The following HAUS7 variants were observed in gnomAD, a reference collection of about 807,000 sequenced individuals.
The protein encoded by HAUS7 is HAUS augmin like complex subunit 7.
In HAUS7, 3 loss-of-function variants were observed where a neutral mutation model predicts 28.4. The observed-to-expected ratio is 0.11, with a 90% CI of 0.05 to 0.27. HAUS7 has a LOEUF of 0.27. Among genes scored for constraint, HAUS7 ranks in the 10% least tolerant of loss-of-function variants. The probability of loss-of-function intolerance (pLI) is 1.00; values close to 1 mark genes in which losing one functional copy is unlikely to be tolerated. For synonymous variants in HAUS7, 165 were observed against 132.1 expected, an observed-to-expected ratio of 1.25 and a Z score of -1.71; for missense variants, 284 against 297.3, an observed-to-expected ratio of 0.96 and a Z score of 0.33.
At chrX:153,487,930 C>T (rs781830730) in intron 1 of HAUS7, among the ~76,000 whole-genome samples, 1 of 112,874 alleles carries the variant, frequency 8.9e-6, no homozygotes, top group Admixed American at 9.3e-5. Context: ...TGAGGGGGCC[C>T]CTGGGAACCG....
At chrX:153,493,661 C>A (rs2089685905) in intron 1 of HAUS7, among the ~76,000 whole-genome samples, 1 of 111,673 alleles carries the variant, frequency 9.0e-6, no homozygotes, top group South Asian at 3.8e-4. Context: ...CAGGCAGGTA[C>A]CACAGTTTGG....
rs970606207 is a variant in HAUS7 at position 153,482,208 on chromosome X, C to A, written c.-588-11063G>T. 6 of 551,408 alleles carry A rather than the reference C, an allele frequency of 1.1e-5. No homozygotes were observed. In the East Asian group the frequency reaches 8.9e-4, roughly 82 times the overall value. 45.4% of individuals were successfully genotyped at this position (551,408 alleles called of 1,213,427 possible). A position where few individuals can be genotyped will look rare whatever the true frequency, so the allele number is the denominator to read the frequency against. On this transcript the variant is annotated intron_variant, in intron 1 of 5. Transcript: ENST00000370210. ...CTGGATTCAGTGGGAACTAGGAAGC[C>A]ATGATGCCACCAACAGAGTGCCCTT...
intron 7 of HAUS7, 84 bp from the exon 8 acceptor site, chrX:153,455,850 C>T (rs1365425324): frequency 1.8e-6 from 1 of 564,240 alleles, no homozygotes. Context: ...ACACTGCACA[C>T]CCAGGGCGAG....
At chrX:153,486,803 G>A in intron 1 of HAUS7, 5 of 982,581 alleles carry the variant, frequency 5.1e-6, no homozygotes, top group Non-Finnish European at 6.6e-6. Context: ...GGGGAGGAGG[G>A]CTCCTAGTCC....
Position 153,457,239 on chromosome X carries a change from AAGACCAC to A in HAUS7, c.355-18_355-12del. The A allele has an allele frequency of 8.9e-7, 1 of 1,128,405 alleles. No homozygotes were observed. The highest frequency in any genetic ancestry group is 1.2e-6 in the Non-Finnish European group (1 of 819,994). The allele number at this position is 1,128,405 out of a possible 1,213,427, so 93.0% of individuals were successfully genotyped here. A position where few individuals can be genotyped will look rare whatever the true frequency, so the allele number is the denominator to read the frequency against. On this transcript the variant is annotated splice_polypyrimidine_tract_variant and intron_variant, in intron 4 of 9. Transcript: ENST00000370211. Reference sequence around the variant, plus strand: ...GGCGCAGGCACAGCCCTGGGCAAGGAAGACCACAGACATTCACTGGCTCCATCTAAGC... The same window carrying A: ...GGCGCAGGCACAGCCCTGGGCAAGGAAGACATTCACTGGCTCCATCTAAGC...
intron 3 of HAUS7, chrX:153,463,146 G>A (rs1556983715): frequency 3.0e-6 from 1 of 331,391 alleles, no homozygotes; most frequent in South Asian, 2.6e-5. Flanking sequence ...GGGGAACCTG[G>A]CGCCGTGCAC....
At chrX:153,462,717 A>G in intron 3 of HAUS7, 46 bp from the exon 4 acceptor site, 1 of 954,445 alleles carries the variant, frequency 1.0e-6, no homozygotes, top group Non-Finnish European at 1.5e-6. Flanking sequence ...CTGCCCAGAC[A>G]GCAGGGGACA....
At chrX:153,457,867 A>C (rs147622205) in intron 4 of HAUS7, among the ~76,000 whole-genome samples, 4,311 of 113,201 alleles carry the variant, frequency 0.038, 190 homozygotes, top group African/African-American at 0.13. Context: ...ATCGCTGAGG[A>C]GCCCCAGGAC....
At chrX:153,460,417 G>A (rs191264570) in intron 4 of HAUS7, among the ~76,000 whole-genome samples, 343 of 111,877 alleles carry the variant, frequency 3.1e-3, no homozygotes, top group South Asian at 0.017. Flanking sequence ...GTATCAGTTT[G>A]GGAAGATGAA....
At chrX:153,463,571 G>C (rs1307084086) in intron 3 of HAUS7, among the ~76,000 whole-genome samples, 6 of 112,322 alleles carry the variant, frequency 5.3e-5, no homozygotes, top group Admixed American at 2.8e-4. Flanking sequence ...CAGCACAGTG[G>C]GCCAGGGGTG....
intron 9 of HAUS7, among the ~76,000 whole-genome samples, chrX:153,452,359 T>C (rs1210067963): frequency 2.7e-5 from 3 of 112,045 alleles, no homozygotes; most frequent in Non-Finnish European, 5.6e-5. Flanking sequence ...ACAACATCGA[T>C]AAATATAAAA....
At chrX:153,481,966 T>G in intron 1 of HAUS7, 15 of 552,499 alleles carry the variant, frequency 2.7e-5, no homozygotes, top group Non-Finnish European at 2.9e-5. Flanking sequence ...GGGCCGGGGC[T>G]GGGGCTGGGG....
intron 9 of HAUS7, among the ~76,000 whole-genome samples, chrX:153,448,556 A>T (rs1246722157): frequency 9.1e-6 from 1 of 110,259 alleles, no homozygotes; most frequent in Non-Finnish European, 1.9e-5. Flanking sequence ...AAATATATAT[A>T]TATAAAATAA....
rs1556984748 is a variant in HAUS7, at chrX:153,469,136, G to A, written c.224+10C>T. On this transcript the variant is annotated intron_variant, in intron 2 of 9. Coordinates refer to ENST00000370211, the MANE Select transcript of HAUS7 (RefSeq NM_001385482.1). ...CCCCAGGTGGGAAGAGGAAGAAACT[G>A]ATGCATTACCGGGTACACATCCACT... 5.0e-6 allele frequency: 5 copies of A among 1,009,683 alleles called. No individual in the cohort carries two copies. The Admixed American group carries it at 1.1e-4, about 22-fold the overall frequency. The allele number at this position is 1,009,683 out of a possible 1,213,427, so 83.2% of individuals were successfully genotyped here.
intron 1 of HAUS7, among the ~76,000 whole-genome samples, chrX:153,493,187 T>G (rs899220219): frequency 2.7e-5 from 3 of 112,274 alleles, no homozygotes; most frequent in African/African-American, 9.7e-5. Context: ...ACCACCCCTC[T>G]AGCACCCACT....
chrX:153,452,601 A>G (rs1417357475), intron 9 of HAUS7, among the ~76,000 whole-genome samples: 2 of 112,562 alleles, frequency 1.8e-5, no homozygotes, highest in Non-Finnish European at 3.8e-5. Context: ...TCTGTATACT[A>G]TTGAAATTCA....
intron 7 of HAUS7, 131 bp downstream of exon 7, chrX:153,456,134 A>C (rs1602930904): frequency 5.7e-6 from 3 of 522,178 alleles, no homozygotes; most frequent in African/African-American, 4.6e-5. Context: ...CCGCGGACTG[A>C]GCACCACAGT....
At chrX:153,482,802 G>A in intron 1 of HAUS7, 1 of 727,763 alleles carries the variant, frequency 1.4e-6, no homozygotes, top group Non-Finnish European at 1.6e-6. Context: ...CCCCTCTGCA[G>A]CCTGCTCTAT....
chrX:153,489,532 G>C (rs1556989215), intron 1 of HAUS7, among the ~76,000 whole-genome samples: 1 of 112,617 alleles, frequency 8.9e-6, no homozygotes. Context: ...GGTGTGACTA[G>C]GGTCAGAAGG....
Sources: gnomAD v4.1 joint callset for allele counts (sites outside exome capture counted in the v4.1 genomes callset) on GRCh38, gnomAD v4.1.1 for gene constraint, MANE v1.5 for transcripts, NCBI Gene and HGNC (gene_info 2026-07-23, HGNC 2026-07-21) for gene names.